The following CTNNA3 variants were observed in gnomAD, a reference collection of about 807,000 sequenced individuals.
CTNNA3 encodes catenin alpha 3.
Under a neutral mutation model 95.7 loss-of-function variants are expected in CTNNA3, and 76 were observed. The ratio of observed to expected loss-of-function variants is 0.79; its 90% CI spans 0.66 to 0.96. CTNNA3 has a LOEUF of 0.96. Among genes scored for constraint, CTNNA3 ranks in the 40% least tolerant of loss-of-function variants. CTNNA3 has a pLI of 0.00. For missense variants in CTNNA3, 1,191 were observed against 1,089.8 expected (o/e 1.09, Z -1.31); for synonymous variants, 431 against 374.4 (o/e 1.15, Z -1.74).
At chr10:66,674,173 A>G (rs948912691) in intron 9 of CTNNA3, among the ~76,000 whole-genome samples, 1 of 152,004 alleles carries the variant, frequency 6.6e-6, no homozygotes, top group Non-Finnish European at 1.5e-5. Context: ...GAGATTTTCT[A>G]ACTTCTTCTT....
intron 12 of CTNNA3, among the ~76,000 whole-genome samples, chr10:66,309,516 C>T (rs542437499): frequency 2.7e-5 from 4 of 150,864 alleles, no homozygotes; most frequent in African/African-American, 4.9e-5. Flanking sequence ...CACTGTGAAA[C>T]CCCATCTACC....
intron 9 of CTNNA3, among the ~76,000 whole-genome samples, chr10:66,663,917 AGTTGGACAAAGACT>A (rs1846350294): frequency 6.6e-6 from 1 of 152,080 alleles, no homozygotes; most frequent in Non-Finnish European, 1.5e-5. Flanking sequence ...AATTTTTTCT[AGTTGGACAAAGACT>A]GCTATTACTT....
intron 3 of CTNNA3, among the ~76,000 whole-genome samples, chr10:67,552,695 G>A (rs1841076498): frequency 6.6e-6 from 1 of 152,046 alleles, no homozygotes. Flanking sequence ...AGGACCCAGT[G>A]TGTGTTGTTC....
At chr10:65,924,553 C>T (rs1025668335) in intron 17 of CTNNA3, among the ~76,000 whole-genome samples, 2 of 152,256 alleles carry the variant, frequency 1.3e-5, no homozygotes, top group East Asian at 1.9e-4. Context: ...CTTTCAATCT[C>T]GATCATTCTA....
At chr10:66,662,992 T>C (rs933833761) in intron 9 of CTNNA3, among the ~76,000 whole-genome samples, 1 of 152,132 alleles carries the variant, frequency 6.6e-6, no homozygotes, top group Non-Finnish European at 1.5e-5. Context: ...GTCAAGATTT[T>C]GACCCTTCTT....
chr10:67,655,156 G>A (rs1285374557), intron 1 of CTNNA3, among the ~76,000 whole-genome samples: 1 of 152,192 alleles, frequency 6.6e-6, no homozygotes, highest in East Asian at 1.9e-4. Context: ...ACACACAGGT[G>A]TGCACATTCA....
At chr10:66,147,609 T>G (rs1023577471) in intron 13 of CTNNA3, among the ~76,000 whole-genome samples, 2 of 10,664 alleles carry the variant, frequency 1.9e-4, no homozygotes, top group Non-Finnish European at 3.0e-4. Context: ...TTGCTTTCAG[T>G]TTTTTTTTTT....
chr10:67,158,598 C>T (rs879601490), intron 7 of CTNNA3, among the ~76,000 whole-genome samples: 1 of 152,144 alleles, frequency 6.6e-6, no homozygotes, highest in African/African-American at 2.4e-5. Context: ...ACAAAACTGA[C>T]ACATGTGCCC....
intron 5 of CTNNA3, among the ~76,000 whole-genome samples, chr10:67,424,231 T>C (rs1430725625): frequency 6.6e-6 from 1 of 152,096 alleles, no homozygotes. Flanking sequence ...ATCACCAAGC[T>C]TTCAACCCCA....
chr10:67,121,488 C>A (rs527325952), intron 7 of CTNNA3, among the ~76,000 whole-genome samples: 1 of 152,084 alleles, frequency 6.6e-6, no homozygotes, highest in Non-Finnish European at 1.5e-5. Flanking sequence ...CTCCATAGAC[C>A]ATGTAATCTG....
chr10:67,634,341 G>C (rs1241049498), intron 2 of CTNNA3, among the ~76,000 whole-genome samples: 8 of 152,074 alleles, frequency 5.3e-5, no homozygotes, highest in Admixed American at 5.2e-4. Context: ...ACTAAATATG[G>C]AAAAGAAAAA....
chr10:66,916,844 T>C (rs372114600), intron 7 of CTNNA3, among the ~76,000 whole-genome samples: 1 of 152,156 alleles, frequency 6.6e-6, no homozygotes, highest in Admixed American at 6.5e-5. Context: ...GTGTGGAGTA[T>C]ATAAAAAAAC....
intron 3 of CTNNA3, among the ~76,000 whole-genome samples, chr10:67,574,808 TG>T (rs1222951214): frequency 6.6e-6 from 1 of 152,136 alleles, no homozygotes; most frequent in Admixed American, 6.5e-5. Context: ...CTCGAACTCC[TG>T]ACCTCAGGTG....
At chr10:66,558,492 T>G (rs1005023250) in intron 10 of CTNNA3, among the ~76,000 whole-genome samples, 1 of 152,132 alleles carries the variant, frequency 6.6e-6, no homozygotes, top group Admixed American at 6.6e-5. Flanking sequence ...GGACTCTAGA[T>G]GAAAAATTTA....
chr10:67,111,818 T>C (rs924324214), intron 7 of CTNNA3, among the ~76,000 whole-genome samples: 4 of 152,084 alleles, frequency 2.6e-5, no homozygotes, highest in African/African-American at 9.7e-5. Context: ...CCATCTAATT[T>C]ACCTGTTACT....
At chr10:66,605,430 C>G (rs559564833) in intron 10 of CTNNA3, among the ~76,000 whole-genome samples, 3 of 152,168 alleles carry the variant, frequency 2.0e-5, no homozygotes, top group East Asian at 3.9e-4. Flanking sequence ...GCTAGAGAGG[C>G]CAACATTCAA....
intron 9 of CTNNA3, among the ~76,000 whole-genome samples, chr10:66,639,241 T>G (rs1386476601): frequency 6.6e-6 from 1 of 152,162 alleles, no homozygotes; most frequent in Non-Finnish European, 1.5e-5. Flanking sequence ...TCCAGTTAAA[T>G]ATTATGAGTT....
intron 1 of CTNNA3, among the ~76,000 whole-genome samples, chr10:67,760,631 G>C (rs1841457327): frequency 9.5e-6 from 1 of 105,584 alleles, no homozygotes; most frequent in Non-Finnish European, 2.6e-5. Context: ...AGCAGGAGGT[G>C]AGCGGGTGAG....
intron 9 of CTNNA3, among the ~76,000 whole-genome samples, chr10:66,632,431 T>TA (rs1415222534): frequency 6.6e-6 from 1 of 151,756 alleles, no homozygotes. Flanking sequence ...GGCGCATGCC[T>TA]GTAATCCCAG....
Sources: allele counts gnomAD v4.1 joint callset (sites outside exome capture counted in the v4.1 genomes callset), GRCh38; gene constraint gnomAD v4.1.1; transcripts MANE v1.5; gene names NCBI Gene and HGNC (gene_info 2026-07-23, HGNC 2026-07-21).